RNF157: variants seen among roughly 807,000 people sequenced by gnomAD.
The protein encoded by RNF157 is E3 ubiquitin ligase RNF157.
RNF157 carries 55 observed loss-of-function variants against 88.3 expected under a neutral mutation model. The ratio of observed to expected loss-of-function variants is 0.62; its 90% CI spans 0.50 to 0.78. RNF157 has a LOEUF of 0.78. Ranked by LOEUF, RNF157 falls within the 30% of genes least tolerant of loss-of-function variation. The pLI is 0.00. For missense variants in RNF157, 788 were observed against 860.8 expected (o/e 0.92, Z 1.06); for synonymous variants, 334 against 341.2 (o/e 0.98, Z 0.23).
At chr17:76,212,132 C>T (rs763993789) in intron 2 of RNF157, 77 of 441,384 alleles carry the variant, frequency 1.7e-4, no homozygotes, top group Non-Finnish European at 2.7e-4. Context: ...TCTGTCCTAG[C>T]TTAATTTGTG....
intron 1 of RNF157, among the ~76,000 whole-genome samples, chr17:76,231,350 G>C (rs28494893): frequency 0.3 from 45,873 of 152,050 alleles, 7,554 homozygotes; most frequent in East Asian, 0.46. Context: ...AGTTGTAAGA[G>C]TTCTTAATAT....
At chr17:76,203,381 A>G (rs2069620044) in intron 2 of RNF157, among the ~76,000 whole-genome samples, 1 of 152,134 alleles carries the variant, frequency 6.6e-6, no homozygotes, top group Admixed American at 6.5e-5. Context: ...CTTAACCAAC[A>G]TGACAAAGTC....
intron 3 of RNF157, among the ~76,000 whole-genome samples, chr17:76,171,423 G>A (rs780214442): frequency 1.4e-4 from 20 of 138,654 alleles, no homozygotes. Context: ...TCCTGACCTC[G>A]GTGATCCGCC....
At chr17:76,156,571 G>A (rs936593174) in intron 13 of RNF157, 9 of 975,346 alleles carry the variant, frequency 9.2e-6, no homozygotes, top group Non-Finnish European at 1.1e-5. Flanking sequence ...ATCTGCTGCG[G>A]CCATACAAAG....
At chr17:76,227,166 G>C (rs1318957124) in intron 1 of RNF157, among the ~76,000 whole-genome samples, 4 of 150,870 alleles carry the variant, frequency 2.7e-5, no homozygotes, top group Admixed American at 1.3e-4. Context: ...GCCTAGGCTG[G>C]AGTGCAATGA....
At position 76,147,160 on chromosome 17, in the gene RNF157, C is replaced by T. The variant is rs892192074; in HGVS notation, c.1922-1807G>A. 3 of 984,726 alleles carry T rather than the reference C, an allele frequency of 3.0e-6. No homozygotes were observed. The Admixed American group carries it at 1.8e-4, about 61-fold the overall frequency. The allele number at this position is 984,726 out of a possible 1,614,324, so 61.0% of individuals were successfully genotyped here. On this transcript the variant is annotated intron_variant, in intron 18 of 18. Coordinates refer to ENST00000269391, the MANE Select transcript of RNF157 (RefSeq NM_052916.3). ...CACCTCTAATGGTGGCACTATGTGTCTAAGTGTGGCAGGATAAATATAAGG... is the reference window on the plus strand; with the variant it reads ...CACCTCTAATGGTGGCACTATGTGTTTAAGTGTGGCAGGATAAATATAAGG...
At chr17:76,197,204 A>G (rs1448820054) in intron 2 of RNF157, among the ~76,000 whole-genome samples, 1 of 152,220 alleles carries the variant, frequency 6.6e-6, no homozygotes, top group Non-Finnish European at 1.5e-5. Context: ...GAAGGGGAAT[A>G]GGAGACACGG....
chr17:76,235,266 C>T (rs1358747406), intron 1 of RNF157, among the ~76,000 whole-genome samples: 2 of 150,740 alleles, frequency 1.3e-5, no homozygotes, highest in Non-Finnish European at 2.9e-5. Flanking sequence ...GGCACGATCT[C>T]GGCTCACTGC....
intron 2 of RNF157, among the ~76,000 whole-genome samples, chr17:76,174,229 G>C (rs548988584): frequency 6.6e-6 from 1 of 152,266 alleles, no homozygotes; most frequent in South Asian, 2.1e-4. Flanking sequence ...GGAGTTTAGG[G>C]ACCGCAAATA....
At chr17:76,219,886 T>C (rs1259931652) in intron 1 of RNF157, among the ~76,000 whole-genome samples, 1 of 152,176 alleles carries the variant, frequency 6.6e-6, no homozygotes, top group Non-Finnish European at 1.5e-5. Context: ...TGAGTAATTA[T>C]GTGATTTTCA....
intron 4 of RNF157, 49 bp from the exon 5 acceptor site, chr17:76,167,175 T>C (rs1420286797): frequency 3.7e-6 from 5 of 1,361,138 alleles, no homozygotes; most frequent in Non-Finnish European, 5.2e-6. Context: ...CCGGCACAGA[T>C]GGGTCTGACA....
chr17:76,145,782 G>C (rs548850577), intron 18 of RNF157, among the ~76,000 whole-genome samples: 7 of 152,302 alleles, frequency 4.6e-5, no homozygotes, highest in African/African-American at 1.7e-4. Flanking sequence ...GTTCGTTCTG[G>C]CCGAGTGTTA....
intron 3 of RNF157, among the ~76,000 whole-genome samples, chr17:76,172,329 CGCCTGTAAT>C (rs1184658197): frequency 6.6e-6 from 1 of 151,856 alleles, no homozygotes; most frequent in Non-Finnish European, 1.5e-5. Flanking sequence ...CGGTGGCTCA[CGCCTGTAAT>C]CCCAGCACTT....
intron 1 of RNF157, among the ~76,000 whole-genome samples, chr17:76,237,846 C>T (rs1446272399): frequency 4.0e-5 from 6 of 151,812 alleles, no homozygotes; most frequent in South Asian, 2.1e-4. Context: ...TTTGGGAGGC[C>T]GAGGCAGGCG....
At chr17:76,166,962 A>T in intron 5 of RNF157, 47 bp downstream of exon 5, 1 of 1,352,652 alleles carries the variant, frequency 7.4e-7, no homozygotes, top group Non-Finnish European at 1.0e-6. Flanking sequence ...AGTAGCCCCT[A>T]GGCCCTTCTG....
At chr17:76,205,383 C>T (rs1002088146) in intron 2 of RNF157, among the ~76,000 whole-genome samples, 5 of 152,090 alleles carry the variant, frequency 3.3e-5, no homozygotes, top group Non-Finnish European at 7.4e-5. Context: ...ATCCTCCCGC[C>T]TCAGCCTCCC....
intron 3 of RNF157, among the ~76,000 whole-genome samples, chr17:76,168,439 T>C (rs1236873336): frequency 1.3e-5 from 2 of 152,086 alleles, no homozygotes; most frequent in East Asian, 1.9e-4. Context: ...TTTTTTTTTT[T>C]TTCTTCCAGT....
intron 1 of RNF157, among the ~76,000 whole-genome samples, chr17:76,222,976 C>T (rs1318909681): frequency 1.3e-5 from 2 of 151,880 alleles, no homozygotes; most frequent in African/African-American, 2.4e-5. Context: ...CTGCAAGCTC[C>T]GCCTCCTGGG....
chr17:76,163,190 C>CTTT (rs35564567), intron 8 of RNF157: 21,359 of 121,122 alleles, frequency 0.18, 2,070 homozygotes, highest in African/African-American at 0.2. Context: ...GCCCTGTTTC[C>CTTT]TTTTTTTTTT....
Sources: allele counts gnomAD v4.1 joint callset (sites outside exome capture counted in the v4.1 genomes callset), GRCh38; gene constraint gnomAD v4.1.1; transcripts MANE v1.5; gene names NCBI Gene and HGNC (gene_info 2026-07-23, HGNC 2026-07-21).